Variants in GLCE observed in about 807,000 individuals in gnomAD.
GLCE encodes D-glucuronyl C5-epimerase.
A neutral mutation model predicts 47.9 loss-of-function variants in GLCE; 19 were observed. That is an observed-to-expected ratio of 0.40 (90% confidence interval 0.28 to 0.58). The LOEUF (loss-of-function observed/expected upper bound fraction) is 0.58, where lower values mean the gene tolerates loss of function less well. Ranked by LOEUF, GLCE falls within the 20% of genes least tolerant of loss-of-function variation. The probability of loss-of-function intolerance (pLI) is 0.48; values close to 1 mark genes in which losing one functional copy is unlikely to be tolerated. For missense variants in GLCE, 556 were observed against 743.3 expected (o/e 0.75, Z 2.93); for synonymous variants, 245 against 263.4 (o/e 0.93, Z 0.68).
intron 2 of GLCE, among the ~76,000 whole-genome samples, chr15:69,234,161 A>C (rs1452449568): frequency 3.9e-5 from 6 of 152,114 alleles, no homozygotes; most frequent in African/African-American, 1.4e-4. Context: ...TATTTTTAGT[A>C]GAGAGGAGGT....
At chr15:69,232,952 G>A (rs560279317) in intron 2 of GLCE, among the ~76,000 whole-genome samples, 15 of 152,156 alleles carry the variant, frequency 9.9e-5, no homozygotes, top group African/African-American at 2.9e-4. Context: ...ATGCTTTTTC[G>A]GGAGGAGCAG....
chr15:69,249,653 A>T (rs770189286), intron 2 of GLCE, among the ~76,000 whole-genome samples: 1 of 152,174 alleles, frequency 6.6e-6, no homozygotes, highest in Non-Finnish European at 1.5e-5. Context: ...AGCCAATAAC[A>T]ATGTAAGTGA....
At chr15:69,162,538 G>GTT (rs111688440) in intron 1 of GLCE, among the ~76,000 whole-genome samples, 2 of 146,566 alleles carry the variant, frequency 1.4e-5, no homozygotes, top group African/African-American at 2.5e-5. Context: ...CTTCGTGTCA[G>GTT]TTTTTTTTTT....
At chr15:69,205,419 T>C (rs536160658) in intron 1 of GLCE, among the ~76,000 whole-genome samples, 113 of 152,296 alleles carry the variant, frequency 7.4e-4, no homozygotes, top group African/African-American at 2.7e-3. Context: ...TTGAGTTGTT[T>C]CCAGTTTTTA....
At chr15:69,228,110 G>T (rs1428152274) in intron 2 of GLCE, among the ~76,000 whole-genome samples, 1 of 152,168 alleles carries the variant, frequency 6.6e-6, no homozygotes, top group Non-Finnish European at 1.5e-5. Flanking sequence ...CTCTACTGAA[G>T]TATTATGCTT....
At chr15:69,163,608 CTACGTAAGCA>C (rs2051458961) in intron 1 of GLCE, among the ~76,000 whole-genome samples, 1 of 152,084 alleles carries the variant, frequency 6.6e-6, no homozygotes, top group Admixed American at 6.5e-5. Context: ...GATGATTGTG[CTACGTAAGCA>C]TACAAAAGCC....
intron 2 of GLCE, among the ~76,000 whole-genome samples, chr15:69,253,485 A>G (rs78778160): frequency 1.3e-5 from 2 of 152,376 alleles, no homozygotes; most frequent in East Asian, 3.9e-4. Flanking sequence ...CTTAAATGTG[A>G]ATGAGTAACC....
chr15:69,233,917 A>C (rs1300218755), intron 2 of GLCE, among the ~76,000 whole-genome samples: 4 of 152,006 alleles, frequency 2.6e-5, no homozygotes, highest in African/African-American at 7.2e-5. Flanking sequence ...AAGAAAACTC[A>C]TACATACATA....
At chr15:69,262,926 A>G (rs920363958) in intron 4 of GLCE, among the ~76,000 whole-genome samples, 37 of 152,200 alleles carry the variant, frequency 2.4e-4, no homozygotes, top group African/African-American at 4.3e-4. Context: ...GAATATTTAC[A>G]TATACATAAA....
At chr15:69,168,040 A>G (rs1040433354) in intron 1 of GLCE, among the ~76,000 whole-genome samples, 20 of 151,990 alleles carry the variant, frequency 1.3e-4, no homozygotes, top group Non-Finnish European at 2.2e-4. Flanking sequence ...TCTCTTCCAC[A>G]CATACTCTTC....
At chr15:69,241,415 C>G (rs1053347178) in intron 2 of GLCE, among the ~76,000 whole-genome samples, 1 of 152,132 alleles carries the variant, frequency 6.6e-6, no homozygotes, top group Non-Finnish European at 1.5e-5. Flanking sequence ...AGGCAAAAGC[C>G]AAAACTTACA....
chr15:69,233,881 G>A (rs1440308240), intron 2 of GLCE, among the ~76,000 whole-genome samples: 1 of 151,992 alleles, frequency 6.6e-6, no homozygotes, highest in Non-Finnish European at 1.5e-5. Flanking sequence ...GCAGTGTGTA[G>A]GCTACACAGT....
chr15:69,257,336 A>G (rs2052940591), intron 3 of GLCE, among the ~76,000 whole-genome samples: 1 of 151,946 alleles, frequency 6.6e-6, no homozygotes. Flanking sequence ...ATTTTTTATA[A>G]TATCTTTTTC....
At chr15:69,163,329 G>A (rs1245470810) in intron 1 of GLCE, among the ~76,000 whole-genome samples, 1 of 152,148 alleles carries the variant, frequency 6.6e-6, no homozygotes, top group East Asian at 1.9e-4. Context: ...ACTGATTAAA[G>A]CTGTCATGTG....
chr15:69,243,073 AAAAG>A (rs1446855348), intron 2 of GLCE, among the ~76,000 whole-genome samples: 193 of 150,438 alleles, frequency 1.3e-3, no homozygotes, highest in African/African-American at 4.5e-3. Flanking sequence ...AAAAAAAAAA[AAAAG>A]AAAGAAAGAA....
chr15:69,217,844 C>G (rs1420481272), intron 2 of GLCE, among the ~76,000 whole-genome samples: 2 of 152,234 alleles, frequency 1.3e-5, no homozygotes, highest in Admixed American at 6.5e-5. Context: ...ACACATTTTA[C>G]AAACAAAATT....
intron 2 of GLCE, among the ~76,000 whole-genome samples, chr15:69,215,439 T>C (rs2052292096): frequency 6.6e-6 from 1 of 152,160 alleles, no homozygotes; most frequent in South Asian, 2.1e-4. Flanking sequence ...AGTATTCTAT[T>C]ATATGTACAC....
intron 2 of GLCE, among the ~76,000 whole-genome samples, chr15:69,224,166 A>G (rs1322626585): frequency 2.6e-5 from 4 of 152,200 alleles, no homozygotes; most frequent in African/African-American, 7.2e-5. Context: ...ATTTAAATCT[A>G]TTAATGTGCT....
At chr15:69,165,167 A>T (rs967101291) in intron 1 of GLCE, among the ~76,000 whole-genome samples, 2 of 152,168 alleles carry the variant, frequency 1.3e-5, no homozygotes, top group African/African-American at 4.8e-5. Flanking sequence ...TACTGCACAG[A>T]TCATCCCATC....
Sources: gnomAD v4.1 joint callset for allele counts (sites outside exome capture counted in the v4.1 genomes callset) on GRCh38, gnomAD v4.1.1 for gene constraint, MANE v1.5 for transcripts, NCBI Gene and HGNC (gene_info 2026-07-23, HGNC 2026-07-21) for gene names.